Variants in RAD51C observed in about 807,000 individuals in gnomAD.
The protein encoded by RAD51C is DNA repair protein RAD51 homolog 3.
Under a neutral mutation model 45.0 loss-of-function variants are expected in RAD51C, and 42 were observed. The observed-to-expected ratio is 0.93, with a 90% CI of 0.73 to 1.21. The LOEUF (loss-of-function observed/expected upper bound fraction) is 1.21, where lower values mean the gene tolerates loss of function less well. Among genes scored for constraint, RAD51C ranks in the 50% most tolerant of loss-of-function variants. RAD51C has a pLI of 0.00. For synonymous variants in RAD51C, 172 were observed against 159.8 expected, an observed-to-expected ratio of 1.08 and a Z score of -0.58; for missense variants, 474 against 452.2, an observed-to-expected ratio of 1.05 and a Z score of -0.44.
chr17:58,706,467 G>T (rs1322447595), intron 4 of RAD51C: 1 of 395,480 alleles, frequency 2.5e-6, no homozygotes, highest in Non-Finnish European at 5.2e-6. Context: ...ATGATCCTTT[G>T]CTTTGATGCT....
intron 3 of RAD51C, among the ~76,000 whole-genome samples, chr17:58,699,321 C>T (rs1451886247): frequency 6.6e-6 from 1 of 151,974 alleles, no homozygotes; most frequent in Non-Finnish European, 1.5e-5. Flanking sequence ...TTTTCTTTTT[C>T]TTTGTTTTAT....
intron 3 of RAD51C, among the ~76,000 whole-genome samples, chr17:58,699,177 T>G (rs2048124299): frequency 6.6e-6 from 1 of 151,810 alleles, no homozygotes; most frequent in Non-Finnish European, 1.5e-5. Flanking sequence ...CGGCTAATTT[T>G]TTGTTTTTTT....
chr17:58,719,388 A>T (rs530831535), intron 5 of RAD51C, among the ~76,000 whole-genome samples: 71 of 151,846 alleles, frequency 4.7e-4, no homozygotes, highest in African/African-American at 1.6e-3. Flanking sequence ...AATTTTTTAA[A>T]AAGTTTTTTG....
chr17:58,727,743 A>G (rs2049222859), intron 7 of RAD51C, among the ~76,000 whole-genome samples: 1 of 151,726 alleles, frequency 6.6e-6, no homozygotes, highest in African/African-American at 2.4e-5. Context: ...GCCTGGCCGA[A>G]ATGGCAAGAC....
intron 7 of RAD51C, among the ~76,000 whole-genome samples, chr17:58,731,216 A>G (rs971699088): frequency 2.0e-5 from 3 of 151,302 alleles, no homozygotes; most frequent in Non-Finnish European, 4.4e-5. Context: ...GCTATTGTGA[A>G]TAAGTTACAG....
At position 58,720,816 on chromosome 17, in the gene RAD51C, G is replaced by A. The variant is rs2048894318; in HGVS notation, c.904+4G>A. The A allele has an allele frequency of 6.2e-7, 1 of 1,604,040 alleles. No individual in the cohort carries two copies. Among genetic ancestry groups the A allele is most frequent in the Non-Finnish European group, 8.5e-7 (1 of 1,172,342 alleles). On this transcript the variant is annotated splice_donor_region_variant and intron_variant, in intron 6 of 8. Coordinates refer to ENST00000337432, the MANE Select transcript of RAD51C (RefSeq NM_058216.3). ...GCCTTGCTTGTTCCTGCATTAGGTG[G>A]GTAATTAATCAGATAAACATTTTAG...
intron 4 of RAD51C, 49 bp from the exon 5 acceptor site, chr17:58,709,810 A>G: frequency 6.6e-7 from 1 of 1,519,542 alleles, no homozygotes; most frequent in South Asian, 1.1e-5. Flanking sequence ...TTTTATTATT[A>G]TTATTTTATT....
At chr17:58,706,034 G>A (rs2143826423) in intron 4 of RAD51C, 1 of 152,234 alleles carries the variant, frequency 6.6e-6, no homozygotes, top group South Asian at 2.1e-4. Flanking sequence ...CAAGTTATAT[G>A]CTTTCAAAAT....
intron 8 of RAD51C, among the ~76,000 whole-genome samples, chr17:58,733,886 T>A (rs1425318457): frequency 1.3e-5 from 2 of 152,054 alleles, no homozygotes; most frequent in African/African-American, 4.8e-5. Flanking sequence ...GCCCAGCTAA[T>A]TTTTATATTT....
intron 8 of RAD51C, among the ~76,000 whole-genome samples, chr17:58,732,949 C>T (rs1205069631): frequency 6.6e-6 from 1 of 152,142 alleles, no homozygotes; most frequent in African/African-American, 2.4e-5. Flanking sequence ...TGTGAATTTA[C>T]ATCATAGAAC....
At chr17:58,707,329 G>A (rs950285851) in intron 4 of RAD51C, among the ~76,000 whole-genome samples, 2 of 152,060 alleles carry the variant, frequency 1.3e-5, no homozygotes, top group African/African-American at 4.8e-5. Context: ...GACCAGTCTG[G>A]CCAACATGGT....
In RAD51C at chr17:58,732,615, ACTTG is replaced by A; in HGVS notation, c.1026+75_1026+78del. 1.3e-5 allele frequency: 19 copies of A among 1,471,732 alleles called. No individual in the cohort carries two copies. The South Asian group carries it at 1.8e-4, about 14-fold the overall frequency. The allele number at this position is 1,471,732 out of a possible 1,614,324, so 91.2% of individuals were successfully genotyped here. On this transcript the variant is annotated intron_variant, in intron 8 of 8. Transcript: ENST00000337432. Reference sequence around the variant, plus strand: ...TAATTATCTAAAGAGAGAATTTACAACTTGCTTCTGTCAACTTCTGTAGGCAGCA... The same window carrying A: ...TAATTATCTAAAGAGAGAATTTACAACTTCTGTCAACTTCTGTAGGCAGCA...
intron 3 of RAD51C, among the ~76,000 whole-genome samples, chr17:58,697,978 C>T (rs2048077837): frequency 6.6e-6 from 1 of 152,090 alleles, no homozygotes; most frequent in Non-Finnish European, 1.5e-5. Context: ...TCCCAAAGTG[C>T]TGGGATTACG....
chr17:58,725,332 G>C (rs10515159), intron 7 of RAD51C, among the ~76,000 whole-genome samples: 28,165 of 152,000 alleles, frequency 0.19, 2,788 homozygotes, highest in Non-Finnish European at 0.21. Context: ...TTATTGTAAA[G>C]ATTTGGCAAC....
intron 4 of RAD51C, among the ~76,000 whole-genome samples, chr17:58,705,248 T>C (rs919711747): frequency 6.6e-6 from 1 of 152,144 alleles, no homozygotes; most frequent in Non-Finnish European, 1.5e-5. Flanking sequence ...AAGGGCTTTC[T>C]TCCTGGCTTG....
In RAD51C at chr17:58,732,475, TTTAAGCAGGTTGGCAACA is replaced by T; in HGVS notation, c.966-6_977del. On this transcript the variant is annotated splice_acceptor_variant and splice_polypyrimidine_tract_variant and coding_sequence_variant and intron_variant, in exon 8 of 9. Transcript: ENST00000337432. LOFTEE classifies it high-confidence loss of function. ...TGTTTGTATGTATTTATTCTTTTTC[TTTAAGCAGGTTGGCAACA>T]TTGTACAAGTCACCCAGCCAGAAGG... is the stretch of plus-strand genomic sequence containing the variant. 6.2e-7 allele frequency: 1 copy of T among 1,610,836 alleles called. No homozygotes were observed.
In RAD51C at chr17:58,692,747, C is replaced by G. The variant is rs1555592011; in HGVS notation, c.104C>G (p.Ala35Gly). ...CTGGTGTCTGCGGGGTTCCAGACTGCTGAGGAACTCCTAGAGGTGAAACCC... is the reference window on the plus strand; with the variant it reads ...CTGGTGTCTGCGGGGTTCCAGACTGGTGAGGAACTCCTAGAGGTGAAACCC... Reference protein sequence around the residue: ...VKLVSAGFQTAEELLEVKPSE... With the variant: ...VKLVSAGFQTGEELLEVKPSE... Residue 35 changes from alanine (A) to glycine (G), a missense_variant, in exon 1 of 9, where the codon GCT becomes GGT. Coordinates refer to ENST00000337432, the MANE Select transcript of RAD51C (RefSeq NM_058216.3). 4.3e-6 allele frequency: 7 copies of G among 1,614,246 alleles called. No homozygotes were observed. The East Asian group carries it at 1.6e-4, about 36-fold the overall frequency.
chr17:58,694,635 C>T (rs555201989), intron 1 of RAD51C: 16 of 374,838 alleles, frequency 4.3e-5, no homozygotes, highest in South Asian at 1.5e-4. Context: ...CCACCATGCC[C>T]GGCTAATTTT....
chr17:58,696,940 C>A, intron 3 of RAD51C, 81 bp downstream of exon 3: 1 of 1,464,280 alleles, frequency 6.8e-7, no homozygotes, highest in Non-Finnish European at 9.5e-7. Context: ...CTCAGCAACA[C>A]TCCATTTGGA....
Sources: gnomAD v4.1 joint callset for allele counts (sites outside exome capture counted in the v4.1 genomes callset) on GRCh38, gnomAD v4.1.1 for gene constraint, MANE v1.5 for transcripts, NCBI Gene and HGNC (gene_info 2026-07-23, HGNC 2026-07-21) for gene names.